The following RASAL2 variants were observed in gnomAD, a reference collection of about 807,000 sequenced individuals.
The protein encoded by RASAL2 is RAS protein activator like 2.
In RASAL2, 58 loss-of-function variants were observed where a neutral mutation model predicts 128.9. The ratio of observed to expected loss-of-function variants is 0.45; its 90% confidence interval spans 0.36 to 0.56. The LOEUF is 0.56. RASAL2 is among the 20% of genes least tolerant of loss of function. The pLI is 0.00. For synonymous variants in RASAL2, 561 were observed against 580.8 expected, an observed-to-expected ratio of 0.97 and a Z score of 0.49; for missense variants, 1,360 against 1,601.6, an observed-to-expected ratio of 0.85 and a Z score of 2.57.
chr1:178,300,191 C>T (rs939200360), intron 3 of RASAL2, 73 bp downstream of exon 3: 2 of 1,461,320 alleles, frequency 1.4e-6, no homozygotes, highest in African/African-American at 2.8e-5. Flanking sequence ...CTGAGTAAAA[C>T]AGAACATCCT....
chr1:178,266,541 T>A (rs1665960674), intron 1 of RASAL2, among the ~76,000 whole-genome samples: 1 of 152,272 alleles, frequency 6.6e-6, no homozygotes, highest in South Asian at 2.1e-4. Flanking sequence ...CACACCAAAT[T>A]CGATAAGACG....
intron 1 of RASAL2, among the ~76,000 whole-genome samples, chr1:178,231,769 G>T (rs1008783080): frequency 4.6e-5 from 7 of 151,838 alleles, no homozygotes; most frequent in Admixed American, 4.6e-4. Context: ...TCCTTTCCTT[G>T]TGCAAATTCA....
chr1:178,425,691 C>A (rs959714998), intron 5 of RASAL2, among the ~76,000 whole-genome samples: 2 of 152,076 alleles, frequency 1.3e-5, no homozygotes, highest in East Asian at 1.9e-4. Flanking sequence ...GAGCTCCAAC[C>A]ATAACATATT....
chr1:178,440,070 C>G (rs1676530635), intron 6 of RASAL2, among the ~76,000 whole-genome samples: 1 of 151,948 alleles, frequency 6.6e-6, no homozygotes, highest in South Asian at 2.1e-4. Flanking sequence ...CTGTAACTAA[C>G]CCAGACCCCA....
chr1:178,416,411 T>G, intron 4 of RASAL2, among the ~76,000 whole-genome samples: 1 of 152,110 alleles, frequency 6.6e-6, no homozygotes, highest in South Asian at 2.1e-4. Context: ...TATATATAAG[T>G]ATACATAAGC....
chr1:178,433,062 C>T (rs978581274), intron 5 of RASAL2, among the ~76,000 whole-genome samples: 1 of 152,104 alleles, frequency 6.6e-6, no homozygotes, highest in Non-Finnish European at 1.5e-5. Context: ...CGTCATTATT[C>T]ACCAGGCCTC....
At position 178,406,969 on chromosome 1, in the gene RASAL2, T is replaced by C. The variant is rs76399321; in HGVS notation, c.565-13542T>C. ...ATAATGAAAGTTTTAGTTTGCTTAATAAAAAAATCACATTGAATTGAATGC... is the reference window on the plus strand; with the variant it reads ...ATAATGAAAGTTTTAGTTTGCTTAACAAAAAAATCACATTGAATTGAATGC... On this transcript the variant is annotated intron_variant, in intron 4 of 17. Coordinates refer to ENST00000367649, the MANE Select transcript of RASAL2 (RefSeq NM_170692.4). Among the ~76,000 whole-genome samples, 322 of 152,194 alleles carry C rather than the reference T, an allele frequency of 2.1e-3. 3 individuals carry two copies. The highest frequency in any genetic ancestry group is 7.2e-3 in the African/African-American group (301 of 41,562).
chr1:178,199,059 G>T (rs1467519130), intron 1 of RASAL2, among the ~76,000 whole-genome samples: 2 of 152,204 alleles, frequency 1.3e-5, no homozygotes, highest in Non-Finnish European at 2.9e-5. Context: ...CCTGCAGTTC[G>T]ATCTGGGACT....
At chr1:178,216,787 G>C (rs1285197206) in intron 1 of RASAL2, among the ~76,000 whole-genome samples, 1 of 152,018 alleles carries the variant, frequency 6.6e-6, no homozygotes, top group Admixed American at 6.6e-5. Flanking sequence ...TTACAGGTGT[G>C]TGCCACTGTG....
At chr1:178,171,336 G>A (rs1449075954) in intron 1 of RASAL2, among the ~76,000 whole-genome samples, 2 of 151,892 alleles carry the variant, frequency 1.3e-5, no homozygotes, top group Non-Finnish European at 2.9e-5. Flanking sequence ...CCAGTAACTG[G>A]TTCCTGTAAA....
intron 1 of RASAL2, among the ~76,000 whole-genome samples, chr1:178,141,132 G>C (rs1428830117): frequency 6.7e-6 from 1 of 149,614 alleles, no homozygotes; most frequent in African/African-American, 2.5e-5. Flanking sequence ...CCACCCCTGT[G>C]ATCCAAACAC....
chr1:178,115,014 A>T (rs1270207931), intron 1 of RASAL2, among the ~76,000 whole-genome samples: 2 of 152,198 alleles, frequency 1.3e-5, no homozygotes, highest in Non-Finnish European at 2.9e-5. Flanking sequence ...CGTAGTATAC[A>T]TTATAAATTT....
At chr1:178,219,213 A>G (rs1663532937) in intron 1 of RASAL2, among the ~76,000 whole-genome samples, 1 of 152,150 alleles carries the variant, frequency 6.6e-6, no homozygotes, top group Non-Finnish European at 1.5e-5. Flanking sequence ...AATTGAAGAG[A>G]GTTAGGGCCT....
intron 4 of RASAL2, among the ~76,000 whole-genome samples, chr1:178,412,878 T>A (rs1674491869): frequency 6.6e-6 from 1 of 151,048 alleles, no homozygotes; most frequent in Middle Eastern, 3.4e-3. Context: ...ACAGTGAATA[T>A]CTGAGAAAAT....
intron 1 of RASAL2, among the ~76,000 whole-genome samples, chr1:178,230,847 C>T (rs1241088083): frequency 6.6e-6 from 1 of 152,098 alleles, no homozygotes; most frequent in Non-Finnish European, 1.5e-5. Flanking sequence ...TGTCCCTTTC[C>T]CTTTGATTCT....
chr1:178,111,194 G>T (rs1337587075), intron 1 of RASAL2, among the ~76,000 whole-genome samples: 1 of 152,074 alleles, frequency 6.6e-6, no homozygotes, highest in African/African-American at 2.4e-5. Flanking sequence ...CATTTGAGTT[G>T]TTTTTAGTTT....
chr1:178,169,310 G>C (rs990225530), intron 1 of RASAL2, among the ~76,000 whole-genome samples: 1 of 152,042 alleles, frequency 6.6e-6, no homozygotes, highest in Non-Finnish European at 1.5e-5. Flanking sequence ...AACCCCAGGG[G>C]ATCTTTGGCG....
intron 5 of RASAL2, among the ~76,000 whole-genome samples, chr1:178,436,847 G>A (rs1005261266): frequency 1.3e-4 from 20 of 152,134 alleles, no homozygotes; most frequent in African/African-American, 4.3e-4. Flanking sequence ...CGAAGTGCTG[G>A]GATTACAGGT....
intron 1 of RASAL2, among the ~76,000 whole-genome samples, chr1:178,159,770 A>G (rs1661210510): frequency 6.6e-6 from 1 of 151,984 alleles, no homozygotes; most frequent in African/African-American, 2.4e-5. Flanking sequence ...TTTTACTAAA[A>G]ATAAAAAAGT....
Sources: allele counts gnomAD v4.1 joint callset (sites outside exome capture counted in the v4.1 genomes callset), GRCh38; gene constraint gnomAD v4.1.1; transcripts MANE v1.5; gene names NCBI Gene and HGNC (gene_info 2026-07-23, HGNC 2026-07-21).